MDFIC2: variants seen among roughly 807,000 people sequenced by gnomAD.
The protein encoded by MDFIC2 is myoD family inhibitor domain-containing protein 2.
intron 2 of MDFIC2, among the ~76,000 whole-genome samples, chr3:70,299,645 G>A (rs7646775): frequency 0.21 from 31,546 of 151,846 alleles, 3,453 homozygotes; most frequent in South Asian, 0.28. Context: ...TCTCAAATTC[G>A]GAATTCATGC....
At chr3:70,257,028 T>C (rs1291320872) in intron 2 of MDFIC2, among the ~76,000 whole-genome samples, 1 of 152,172 alleles carries the variant, frequency 6.6e-6, no homozygotes, top group East Asian at 1.9e-4. Flanking sequence ...AATATCATAA[T>C]AATTCAGAGA....
intron 2 of MDFIC2, among the ~76,000 whole-genome samples, chr3:70,310,627 A>G (rs974363273): frequency 1.1e-4 from 16 of 151,992 alleles, no homozygotes; most frequent in African/African-American, 3.4e-4. Context: ...CGGCCTCCCA[A>G]AGTGCTGGGA....
At chr3:70,257,182 A>G (rs1174210291) in intron 2 of MDFIC2, among the ~76,000 whole-genome samples, 1 of 152,200 alleles carries the variant, frequency 6.6e-6, no homozygotes, top group Non-Finnish European at 1.5e-5. Flanking sequence ...TGTGAACTAT[A>G]CATTTGGTCT....
At chr3:70,299,786 T>G (rs1702329015) in intron 2 of MDFIC2, among the ~76,000 whole-genome samples, 1 of 152,154 alleles carries the variant, frequency 6.6e-6, no homozygotes, top group Non-Finnish European at 1.5e-5. Flanking sequence ...CTGTTATCTT[T>G]AGGTCCTCTC....
At chr3:70,276,095 A>G (rs1702023079) in intron 2 of MDFIC2, among the ~76,000 whole-genome samples, 1 of 152,190 alleles carries the variant, frequency 6.6e-6, no homozygotes, top group Non-Finnish European at 1.5e-5. Context: ...TTAAGATAAT[A>G]TGATAATATA....
intron 2 of MDFIC2, among the ~76,000 whole-genome samples, chr3:70,219,439 A>G (rs1343274870): frequency 6.6e-6 from 1 of 152,192 alleles, no homozygotes; most frequent in African/African-American, 2.4e-5. Context: ...AGAGAGCTGT[A>G]GTTCTTTGTC....
At chr3:70,225,727 G>A (rs1160252980) in intron 2 of MDFIC2, among the ~76,000 whole-genome samples, 1 of 152,134 alleles carries the variant, frequency 6.6e-6, no homozygotes, top group East Asian at 1.9e-4. Context: ...AAAGTAGAAC[G>A]ATAGTTTGGT....
chr3:70,221,652 C>T (rs1701460740), intron 2 of MDFIC2, among the ~76,000 whole-genome samples: 1 of 152,070 alleles, frequency 6.6e-6, no homozygotes, highest in Non-Finnish European at 1.5e-5. Flanking sequence ...GTATAATTCC[C>T]CTGAATGACA....
chr3:70,279,110 AGATT>A lies in MDFIC2; in HGVS notation c.88+32772_88+32775del, dbSNP rs534298050. On this transcript the variant is annotated intron_variant, in intron 2 of 3. Coordinates refer to ENST00000567252, the MANE Select transcript of MDFIC2 (RefSeq NM_001364677.1). ...CTGACTTCCAAATGACATACTAGAT[AGATT>A]ATTTCCTCTGTTTCACTCACTACAT... Among the ~76,000 whole-genome samples the A allele has an allele frequency of 1.1e-3, 172 of 150,600 alleles. 1 individual carries two copies. The highest frequency in any genetic ancestry group is 0.011 in the South Asian group (51 of 4,636).
At chr3:70,286,610 C>A (rs1702166509) in intron 2 of MDFIC2, among the ~76,000 whole-genome samples, 1 of 151,868 alleles carries the variant, frequency 6.6e-6, no homozygotes, top group South Asian at 2.1e-4. Flanking sequence ...TCATTGGTAG[C>A]TTGATGGGGA....
chr3:70,280,368 G>C (rs1463450379), intron 2 of MDFIC2, among the ~76,000 whole-genome samples: 2 of 152,106 alleles, frequency 1.3e-5, no homozygotes, highest in African/African-American at 4.8e-5. Flanking sequence ...ACAGGTTCCA[G>C]GAATCAGGAC....
chr3:70,299,963 T>C (rs1702331509), intron 2 of MDFIC2, among the ~76,000 whole-genome samples: 1 of 152,082 alleles, frequency 6.6e-6, no homozygotes, highest in Middle Eastern at 3.2e-3. Flanking sequence ...TATCGTTCTC[T>C]GAAAAGAACA....
chr3:70,283,837 A>C (rs537791574), intron 2 of MDFIC2: 2 of 152,164 alleles, frequency 1.3e-5, no homozygotes, highest in East Asian at 1.9e-4. Context: ...AACATCTGTT[A>C]AATCTGGATG....
chr3:70,214,380 C>G (rs544688850), intron 2 of MDFIC2, among the ~76,000 whole-genome samples: 2 of 151,944 alleles, frequency 1.3e-5, no homozygotes, highest in Non-Finnish European at 2.9e-5. Flanking sequence ...TCAAGGGCTA[C>G]GACAAGAGGA....
chr3:70,244,540 G>T (rs540346340), intron 2 of MDFIC2, among the ~76,000 whole-genome samples: 3 of 152,134 alleles, frequency 2.0e-5, no homozygotes, highest in Non-Finnish European at 4.4e-5. Context: ...AAATCTATTT[G>T]ATCAATATAT....
At chr3:70,281,567 C>G (rs1416702316) in intron 2 of MDFIC2, among the ~76,000 whole-genome samples, 2 of 151,974 alleles carry the variant, frequency 1.3e-5, no homozygotes, top group Non-Finnish European at 2.9e-5. Context: ...GGTAAAAGCT[C>G]AAAACAAACA....
At chr3:70,283,552 C>T (rs1182251891) in intron 2 of MDFIC2, 1 of 152,114 alleles carries the variant, frequency 6.6e-6, no homozygotes, top group Admixed American at 6.6e-5. Context: ...ATGTCAGCCT[C>T]CCCTAGCCTC....
intron 2 of MDFIC2, among the ~76,000 whole-genome samples, chr3:70,216,948 G>A (rs1701417406): frequency 5.3e-5 from 8 of 152,180 alleles, no homozygotes; most frequent in Admixed American, 5.2e-4. Flanking sequence ...CATAAAAAAT[G>A]TGGTTTCAAA....
At chr3:70,229,762 A>C (rs556649256) in intron 2 of MDFIC2, among the ~76,000 whole-genome samples, 1 of 152,322 alleles carries the variant, frequency 6.6e-6, no homozygotes, top group South Asian at 2.1e-4. Flanking sequence ...ACCTAGGGAT[A>C]TCTATCTGCA....
Sources: allele counts gnomAD v4.1 joint callset (sites outside exome capture counted in the v4.1 genomes callset), GRCh38; gene constraint gnomAD v4.1.1; transcripts MANE v1.5; gene names NCBI Gene and HGNC (gene_info 2026-07-23, HGNC 2026-07-21).